ZNF114: variants seen among roughly 807,000 people sequenced by gnomAD.
ZNF114 encodes zinc finger protein 114 (Y18).
Under a neutral mutation model 6.8 loss-of-function variants are expected in ZNF114, and 8 were observed. The observed-to-expected ratio is 1.18, with a 90% confidence interval of 0.69 to 2.13. ZNF114 has a LOEUF of 2.13. ZNF114 is among the 30% of genes most tolerant of loss of function. ZNF114 has a pLI of 0.00. For missense variants in ZNF114, 472 were observed against 519.5 expected (o/e 0.91, Z 0.89); for synonymous variants, 169 against 185.5 (o/e 0.91, Z 0.72).
At chr19:48,275,419 A>ACACACACAC (rs1967801603) in intron 3 of ZNF114, among the ~76,000 whole-genome samples, 1 of 133,116 alleles carries the variant, frequency 7.5e-6, no homozygotes, top group African/African-American at 3.0e-5. Flanking sequence ...TCTCTACTAA[A>ACACACACAC]ACACACACAC....
In ZNF114 at chr19:48,285,855, G is replaced by C. The variant is rs1432289003; in HGVS notation, c.231G>C (p.Thr77=). 1 of 1,614,126 alleles carries C rather than the reference G, an allele frequency of 6.2e-7. No homozygotes were observed. The highest frequency in any genetic ancestry group is 2.2e-5 in the East Asian group (1 of 44,880). Residue 77 remains threonine, a synonymous_variant, in exon 6 of 6, where the codon ACG becomes ACC. Coordinates refer to ENST00000595607, the MANE Select transcript of ZNF114 (RefSeq NM_153608.4). ...CTGAAGCCAACAGAGTGTGTCTCACGAGCATCAGTTCCCAGCACTCCACAT... is the reference window on the plus strand; with the variant it reads ...CTGAAGCCAACAGAGTGTGTCTCACCAGCATCAGTTCCCAGCACTCCACAT... ...TFPEANRVCL[T]SISSQHSTLR...
At chr19:48,274,343 T>C (rs1600836154) in intron 3 of ZNF114, among the ~76,000 whole-genome samples, 1 of 151,676 alleles carries the variant, frequency 6.6e-6, no homozygotes, top group African/African-American at 2.4e-5. Context: ...TTTTATGGCA[T>C]TCTAACATTT....
rs57823987 is a variant in ZNF114, at chr19:48,272,673, C to CAAAAAAAAAAAAAAAAA, written c.-70+854_-70+870dup. 6.6e-3 allele frequency among the ~76,000 whole-genome samples: 257 copies of CAAAAAAAAAAAAAAAAA among 39,226 alleles called. 31 individuals are homozygous for CAAAAAAAAAAAAAAAAA. The highest frequency in any genetic ancestry group is 7.9e-3 in the Non-Finnish European group (189 of 23,874). 25.7% of individuals were successfully genotyped at this position (39,226 alleles called of 152,430 possible). A position where few individuals can be genotyped will look rare whatever the true frequency, so the allele number is the denominator to read the frequency against. Reference sequence around the variant, plus strand: ...TGGGCGACAGAGCAAGACTCTCTCTCAAAAAAAAAAAAAAAAAAAAAAAAA... The same window carrying CAAAAAAAAAAAAAAAAA: ...TGGGCGACAGAGCAAGACTCTCTCTCAAAAAAAAAAAAAAAAAAAAAAAAAAAAAAAAAAAAAAAAAA... On this transcript the variant is annotated intron_variant, in intron 3 of 5. Transcript: ENST00000595607.
intron 3 of ZNF114, among the ~76,000 whole-genome samples, chr19:48,274,508 T>TATATATATATA (rs1600836581): frequency 3.4e-5 from 1 of 29,614 alleles, no homozygotes. Flanking sequence ...ATATATATAT[T>TATATATATATA]TTTTTTTTTT....
At chr19:48,273,671 T>C (rs1967739158) in intron 3 of ZNF114, among the ~76,000 whole-genome samples, 1 of 151,876 alleles carries the variant, frequency 6.6e-6, no homozygotes, top group Non-Finnish European at 1.5e-5. Context: ...TCTCAAAAAC[T>C]CTTATTTACA....
chr19:48,276,121 C>G (rs1419786449), intron 3 of ZNF114, among the ~76,000 whole-genome samples: 1 of 134,746 alleles, frequency 7.4e-6, no homozygotes. Context: ...CTCTTGTTGC[C>G]CAGGCTGGAG....
chr19:48,280,710 G>A (rs1378095909), intron 4 of ZNF114, among the ~76,000 whole-genome samples: 3 of 151,876 alleles, frequency 2.0e-5, no homozygotes, highest in African/African-American at 4.8e-5. Context: ...CTGCCAGCAC[G>A]CCCGGCTAAT....
intron 5 of ZNF114, among the ~76,000 whole-genome samples, chr19:48,284,297 C>T (rs925452140): frequency 1.3e-5 from 2 of 152,128 alleles, no homozygotes; most frequent in African/African-American, 4.8e-5. Context: ...CACAGTGGCT[C>T]ACACCTGTAA....
At chr19:48,279,920 C>A in intron 4 of ZNF114, 112 bp downstream of exon 4, 1 of 1,518,854 alleles carries the variant, frequency 6.6e-7, no homozygotes. Context: ...GCAGGGCCCC[C>A]CGCCAGCCGT....
In ZNF114 at chr19:48,286,239, C is replaced by G; in HGVS notation, c.615C>G (p.Asn205Lys). 1 of 1,614,184 alleles carries G rather than the reference C, an allele frequency of 6.2e-7. No homozygotes were observed. Among genetic ancestry groups the G allele is most frequent in the Non-Finnish European group, 8.5e-7 (1 of 1,180,044 alleles). The part of the protein sequence containing the change: ...LKSSTWTGSQ[N>K]TVHHIRDEID... ...CAAGCACATGGACTGGCAGTCAGAACACTGTGCATCATATACGTGATGAAA... is the reference window on the plus strand; with the variant it reads ...CAAGCACATGGACTGGCAGTCAGAAGACTGTGCATCATATACGTGATGAAA... Residue 205 changes from asparagine to lysine, a missense_variant, in exon 6 of 6, where the codon AAC becomes AAG. Coordinates refer to ENST00000595607, the MANE Select transcript of ZNF114 (RefSeq NM_153608.4).
At chr19:48,277,794 G>GGTGGGTGTGTGTGTGTGTGTGT (rs1555876488) in intron 3 of ZNF114, among the ~76,000 whole-genome samples, 8 of 119,338 alleles carry the variant, frequency 6.7e-5, no homozygotes, top group African/African-American at 2.6e-4. Flanking sequence ...GGAGGCATTG[G>GGTGGGTGTGTGTGTGTGTGTGT]GTGTGTGTGT....
Position 48,286,571 on chromosome 19 carries a change from A to G in ZNF114, c.947A>G (p.Gln316Arg). Residue 316 changes from glutamine (Q) to arginine (R), a missense_variant, in exon 6 of 6, where the codon CAG becomes CGG. Gln to Arg is a conservative substitution (Grantham distance 43). Coordinates refer to ENST00000595607, the MANE Select transcript of ZNF114 (RefSeq NM_153608.4). Reference sequence around the variant, plus strand: ...GAATGTGGGAGAGCCTTTTTTTATCAGTCATTCCTTATGAGACATATGAAA... The same window carrying G: ...GAATGTGGGAGAGCCTTTTTTTATCGGTCATTCCTTATGAGACATATGAAA... ...CPECGRAFFY[Q>R]SFLMRHMKIH... 1 of 1,614,136 alleles carries G rather than the reference A, an allele frequency of 6.2e-7. No homozygotes were observed. Among genetic ancestry groups the G allele is most frequent in the Non-Finnish European group, 8.5e-7 (1 of 1,180,034 alleles).
intron 1 of ZNF114, 83 bp from the exon 2 acceptor site, chr19:48,271,162 G>T (rs1384608802): frequency 6.6e-6 from 1 of 152,400 alleles, no homozygotes; most frequent in East Asian, 1.9e-4. Context: ...AACGGATGGG[G>T]GGGAGTGGTA....
chr19:48,279,856 G>C (rs1967945872), intron 4 of ZNF114, 48 bp downstream of exon 4: 1 of 1,613,328 alleles, frequency 6.2e-7, no homozygotes, highest in East Asian at 2.2e-5. Flanking sequence ...TCGTTCCCAC[G>C]AGTCAATGTG....
Position 48,286,754 on chromosome 19 carries a change from C to A in ZNF114, c.1130C>A (p.Thr377Lys), listed in dbSNP as rs746015859. ...GKVIRESSKY[T>K]HIRSHTGEKP... ...GTCATTCGGGAGTCCTCAAAATATA[C>A]ACATATAAGGAGCCACACTGGAGAG... Residue 377 changes from threonine to lysine, a missense_variant, in exon 6 of 6, where the codon ACA (threonine) becomes AAA (lysine). By Grantham distance (78) the Thr-to-Lys change is moderately conservative. Coordinates refer to ENST00000595607, the MANE Select transcript of ZNF114 (RefSeq NM_153608.4). The A allele has an allele frequency of 1.2e-6, 2 of 1,613,562 alleles. No homozygotes were observed. The highest frequency in any genetic ancestry group is 1.7e-6 in the Non-Finnish European group (2 of 1,179,956).
In ZNF114 at chr19:48,287,011, GA is replaced by G. The variant is rs964972541; in HGVS notation, c.*141del. On this transcript the variant is annotated 3_prime_UTR_variant, in exon 6 of 6. Coordinates refer to ENST00000595607, the MANE Select transcript of ZNF114 (RefSeq NM_153608.4). ...GAACTCTCGTATCTTACAGAAATGTGAAAAAAAACCCTGTGAAGGTAAAGTC... is the reference window on the plus strand; with the variant it reads ...GAACTCTCGTATCTTACAGAAATGTGAAAAAAACCCTGTGAAGGTAAAGTC... The G allele has an allele frequency of 6.4e-5, 61 of 956,380 alleles. No homozygotes were observed. The highest frequency in any genetic ancestry group is 1.1e-4 in the Admixed American group (3 of 27,536). The allele number at this position is 956,380 out of a possible 1,614,324, so 59.2% of individuals were successfully genotyped here.
chr19:48,281,894 C>CTTTTTTT (rs869238604), intron 4 of ZNF114, among the ~76,000 whole-genome samples: 2 of 90,520 alleles, frequency 2.2e-5, no homozygotes, highest in African/African-American at 4.4e-5. Context: ...ACAACCTCAT[C>CTTTTTTT]TTTTTTTTTT....
intron 1 of ZNF114, among the ~76,000 whole-genome samples, chr19:48,270,761 G>GAA (rs1568988044): frequency 2.0e-5 from 3 of 149,774 alleles, no homozygotes; most frequent in African/African-American, 7.4e-5. Flanking sequence ...AGAGAAAAAA[G>GAA]AGAAAGAAAG....
At chr19:48,278,526 T>A (rs998619231) in intron 3 of ZNF114, among the ~76,000 whole-genome samples, 2 of 152,196 alleles carry the variant, frequency 1.3e-5, no homozygotes, top group African/African-American at 4.8e-5. Flanking sequence ...TGGGTTGTAG[T>A]GTGTGTCAGT....
Sources: allele counts gnomAD v4.1 joint callset (sites outside exome capture counted in the v4.1 genomes callset), GRCh38; gene constraint gnomAD v4.1.1; transcripts MANE v1.5; gene names NCBI Gene and HGNC (gene_info 2026-07-23, HGNC 2026-07-21).